RAB38: variants seen among roughly 807,000 people sequenced by gnomAD.
RAB38 encodes the protein RAB38, member RAS oncogene family, also known as ras-related protein Rab-38.
In RAB38, 15 loss-of-function variants were observed where a neutral mutation model predicts 18.4. The observed-to-expected ratio is 0.82, with a 90% CI of 0.55 to 1.26. The LOEUF is 1.26. Ranked by LOEUF, RAB38 falls within the 50% of genes most tolerant of loss-of-function variation. The probability of loss-of-function intolerance (pLI) is 0.00; values close to 1 mark genes in which losing one functional copy is unlikely to be tolerated. For synonymous variants in RAB38, 101 were observed against 104.4 expected (o/e 0.97, Z 0.20); for missense variants, 294 against 267.4 (o/e 1.10, Z -0.69).
the RAB38 span, among the ~76,000 whole-genome samples, chr11:88,105,752 A>T: frequency 6.6e-6 from 1 of 152,142 alleles, no homozygotes; most frequent in Admixed American, 6.6e-5. Flanking sequence ...TAGACCTGTC[A>T]CTTGAGCCAC....
chr11:88,174,556 G>C (rs1273401158), intron 1 of RAB38, among the ~76,000 whole-genome samples: 2 of 142,698 alleles, frequency 1.4e-5, no homozygotes, highest in Non-Finnish European at 3.0e-5. Flanking sequence ...GAAAGAGAGG[G>C]AGAAAGAATA....
chr11:87,855,243 A>C, the RAB38 span, among the ~76,000 whole-genome samples: 2 of 152,180 alleles, frequency 1.3e-5, no homozygotes, highest in Non-Finnish European at 2.9e-5. Flanking sequence ...AATTAAAGTC[A>C]ATGCTTTTCA....
chr11:87,906,356 G>T, the RAB38 span, among the ~76,000 whole-genome samples: 1 of 151,894 alleles, frequency 6.6e-6, no homozygotes, highest in Non-Finnish European at 1.5e-5. Flanking sequence ...TGGAGTAAAT[G>T]TAGCACTCAT....
At chr11:87,864,505 A>G in the RAB38 span, among the ~76,000 whole-genome samples, 23 of 151,734 alleles carry the variant, frequency 1.5e-4, no homozygotes, top group African/African-American at 5.5e-4. Flanking sequence ...AGCCTCAAAC[A>G]TAATATTCTT....
chr11:88,027,622 A>G, the RAB38 span, among the ~76,000 whole-genome samples: 2 of 152,208 alleles, frequency 1.3e-5, no homozygotes, highest in African/African-American at 2.4e-5. Context: ...GCTGATTGCT[A>G]GCACAGCAGT....
chr11:88,141,362 C>T (rs775273112), intron 2 of RAB38, among the ~76,000 whole-genome samples: 23 of 152,138 alleles, frequency 1.5e-4, no homozygotes, highest in Non-Finnish European at 2.9e-4. Flanking sequence ...AGGAATGATT[C>T]TAAATATCCT....
chr11:88,133,115 C>A (rs1383144303), intron 2 of RAB38, among the ~76,000 whole-genome samples: 1 of 152,074 alleles, frequency 6.6e-6, no homozygotes, highest in Non-Finnish European at 1.5e-5. Context: ...GTAAACAGAT[C>A]TGGCCACTCC....
the RAB38 span, among the ~76,000 whole-genome samples, chr11:87,950,375 G>A: frequency 6.6e-6 from 1 of 152,108 alleles, no homozygotes; most frequent in Non-Finnish European, 1.5e-5. Flanking sequence ...GGAGCATTTA[G>A]CCCATTTACA....
At chr11:88,003,880 A>AAAG in the RAB38 span, among the ~76,000 whole-genome samples, 749 of 16,738 alleles carry the variant, frequency 0.045, 277 homozygotes, top group East Asian at 0.24. Context: ...ATATATTTAT[A>AAAG]TATATAATTA....
At chr11:87,847,140 A>G in the RAB38 span, among the ~76,000 whole-genome samples, 2 of 152,194 alleles carry the variant, frequency 1.3e-5, no homozygotes, top group African/African-American at 2.4e-5. Flanking sequence ...TAAGTAGAAG[A>G]AAGATTTTAT....
chr11:88,050,073 A>G, the RAB38 span: 1 of 152,236 alleles, frequency 6.6e-6, no homozygotes, highest in Non-Finnish European at 1.5e-5. Flanking sequence ...TTCTTCAAAT[A>G]GTACATGTGA....
At chr11:87,904,594 A>T in the RAB38 span, among the ~76,000 whole-genome samples, 4 of 151,656 alleles carry the variant, frequency 2.6e-5, no homozygotes, top group Non-Finnish European at 5.9e-5. Context: ...TTTTTTTAAT[A>T]TCCAGTAATG....
At chr11:87,971,590 T>C in the RAB38 span, among the ~76,000 whole-genome samples, 2 of 152,074 alleles carry the variant, frequency 1.3e-5, no homozygotes, top group African/African-American at 2.4e-5. Context: ...ATACAATGTG[T>C]TTGTTTAAGG....
At chr11:87,936,447 G>A in the RAB38 span, among the ~76,000 whole-genome samples, 2 of 152,004 alleles carry the variant, frequency 1.3e-5, no homozygotes, top group Admixed American at 1.3e-4. Flanking sequence ...CAAAATATCA[G>A]TTGGGTACAT....
chr11:88,169,371 G>C (rs1943282235), intron 1 of RAB38, among the ~76,000 whole-genome samples: 1 of 152,156 alleles, frequency 6.6e-6, no homozygotes, highest in African/African-American at 2.4e-5. Flanking sequence ...CTGTTTTCCA[G>C]CTTTGCTACA....
the RAB38 span, among the ~76,000 whole-genome samples, chr11:87,928,948 C>G: frequency 2.6e-5 from 4 of 152,014 alleles, no homozygotes; most frequent in African/African-American, 9.7e-5. Flanking sequence ...AACCCTATCT[C>G]TACTAAAAAT....
chr11:88,004,968 G>C, the RAB38 span, among the ~76,000 whole-genome samples: 1 of 151,214 alleles, frequency 6.6e-6, no homozygotes, highest in Non-Finnish European at 1.5e-5. Context: ...AAATATTCCA[G>C]AGAAATTAAA....
chr11:87,965,156 GCA>G, the RAB38 span, among the ~76,000 whole-genome samples: 2 of 152,116 alleles, frequency 1.3e-5, no homozygotes, highest in African/African-American at 4.8e-5. Flanking sequence ...CTAGAAGGAG[GCA>G]CAATCACCCT....
At chr11:88,174,620 CAAAAAA>C (rs60026669) in intron 1 of RAB38, among the ~76,000 whole-genome samples, 3 of 101,126 alleles carry the variant, frequency 3.0e-5, no homozygotes, top group African/African-American at 7.7e-5. Context: ...AAGCAAAAAG[CAAAAAA>C]AAAAAAAAAA....
Sources: allele counts gnomAD v4.1 joint callset (sites outside exome capture counted in the v4.1 genomes callset), GRCh38; gene constraint gnomAD v4.1.1; transcripts MANE v1.5; gene names NCBI Gene and HGNC (gene_info 2026-07-23, HGNC 2026-07-21).